DPP6: variants seen among roughly 807,000 people sequenced by gnomAD.
The protein encoded by DPP6 is dipeptidyl peptidase like 6.
DPP6 carries 69 observed loss-of-function variants against 122.6 expected under a neutral mutation model. That is an observed-to-expected ratio of 0.56 (90% confidence interval 0.46 to 0.69). The LOEUF is 0.69. Ranked by LOEUF, DPP6 falls within the 30% of genes least tolerant of loss-of-function variation. The pLI, the probability that DPP6 is intolerant of heterozygous loss-of-function variation, is 0.00. For missense variants in DPP6, 928 were observed against 1,116.9 expected, an observed-to-expected ratio of 0.83 and a Z score of 2.41; for synonymous variants, 418 against 433.1, an observed-to-expected ratio of 0.97 and a Z score of 0.43.
chr7:153,926,376 A>G (rs1800901228), intron 1 of DPP6, among the ~76,000 whole-genome samples: 1 of 152,242 alleles, frequency 6.6e-6, no homozygotes, highest in South Asian at 2.1e-4. Context: ...AACTCCTAAG[A>G]GAATTGCTGT....
intron 1 of DPP6, among the ~76,000 whole-genome samples, chr7:154,255,233 CTG>C (rs1802584671): frequency 6.6e-6 from 1 of 152,068 alleles, no homozygotes; most frequent in Non-Finnish European, 1.5e-5. Context: ...CTGCCTGCCT[CTG>C]TGTCAAGAAA....
chr7:154,086,931 G>A (rs992258434), intron 1 of DPP6, among the ~76,000 whole-genome samples: 1 of 152,190 alleles, frequency 6.6e-6, no homozygotes, highest in Non-Finnish European at 1.5e-5. Flanking sequence ...CCAGGGATCT[G>A]TTAAATATCT....
intron 7 of DPP6, among the ~76,000 whole-genome samples, chr7:154,721,843 A>C (rs1442507699): frequency 6.6e-6 from 1 of 151,930 alleles, no homozygotes; most frequent in Admixed American, 6.6e-5. Context: ...GAGTTGGTTG[A>C]CTCACTTGCT....
the DPP6 span, among the ~76,000 whole-genome samples, chr7:153,762,633 A>T: frequency 3.3e-5 from 5 of 151,602 alleles, no homozygotes; most frequent in African/African-American, 1.2e-4. Flanking sequence ...AAAAAAAATT[A>T]TCTGGGCATG....
chr7:153,928,666 C>T (rs1801035471), intron 1 of DPP6, among the ~76,000 whole-genome samples: 1 of 152,166 alleles, frequency 6.6e-6, no homozygotes, highest in Non-Finnish European at 1.5e-5. Flanking sequence ...TCCACCTCCA[C>T]AGCCTGATCA....
At chr7:154,785,279 A>G (rs946354432) in intron 10 of DPP6, among the ~76,000 whole-genome samples, 10 of 152,174 alleles carry the variant, frequency 6.6e-5, no homozygotes, top group Admixed American at 6.5e-4. Flanking sequence ...TCACCCCCAG[A>G]TGGAGATGAC....
At chr7:154,130,444 A>T (rs1256908518) in intron 1 of DPP6, among the ~76,000 whole-genome samples, 1 of 152,180 alleles carries the variant, frequency 6.6e-6, no homozygotes, top group Non-Finnish European at 1.5e-5. Flanking sequence ...TGATTTCATA[A>T]GGTAATGCTA....
At chr7:153,953,966 C>T (rs968633512) in intron 1 of DPP6, among the ~76,000 whole-genome samples, 8 of 152,182 alleles carry the variant, frequency 5.3e-5, no homozygotes, top group South Asian at 2.1e-4. Context: ...CTCCTTCCTT[C>T]CCAGAAGTCC....
At chr7:153,838,719 A>G in the DPP6 span, among the ~76,000 whole-genome samples, 1 of 152,200 alleles carries the variant, frequency 6.6e-6, no homozygotes, top group Admixed American at 6.5e-5. Flanking sequence ...CGTTTTCTGA[A>G]ACTGTAACAA....
chr7:154,006,486 T>G (rs1226760697), intron 1 of DPP6, among the ~76,000 whole-genome samples: 1 of 152,180 alleles, frequency 6.6e-6, no homozygotes, highest in Non-Finnish European at 1.5e-5. Flanking sequence ...TCAGCTGCCT[T>G]TGAAATCACA....
At chr7:154,334,971 A>C (rs2151046489) in intron 1 of DPP6, among the ~76,000 whole-genome samples, 1 of 152,310 alleles carries the variant, frequency 6.6e-6, no homozygotes, top group African/African-American at 2.4e-5. Context: ...TTCTGCCTCA[A>C]AGCATTGTGC....
rs1354066443 is a variant in DPP6 at position 154,061,740 on chromosome 7, C to A, written c.243+8677C>A. Among the ~76,000 whole-genome samples, 89 of 103,538 alleles carry A rather than the reference C, an allele frequency of 8.6e-4. 7 individuals are homozygous for A. The Middle Eastern group carries it at 0.016, about 19-fold the overall frequency. 67.9% of individuals were successfully genotyped at this position (103,538 alleles called of 152,430 possible). A position where few individuals can be genotyped will look rare whatever the true frequency, so the allele number is the denominator to read the frequency against. ...CGCGAGGCGGGGACTGCGAACCTCC[C>A]CCTTTCCTCCCCTGGCTCTTTGCAC... On this transcript the variant is annotated intron_variant, in intron 1 of 25. Transcript: ENST00000377770.
At chr7:153,759,903 C>G in the DPP6 span, among the ~76,000 whole-genome samples, 11 of 131,762 alleles carry the variant, frequency 8.3e-5, no homozygotes, top group African/African-American at 3.6e-4. Context: ...ACTTCTCTCT[C>G]TCTCTGTTTC....
chr7:153,755,645 A>G, the DPP6 span, among the ~76,000 whole-genome samples: 28 of 151,696 alleles, frequency 1.8e-4, no homozygotes, highest in Admixed American at 1.5e-3. Context: ...ATTTCATCCT[A>G]TTTCCGAACT....
chr7:153,822,356 A>AT, the DPP6 span, among the ~76,000 whole-genome samples: 108 of 149,596 alleles, frequency 7.2e-4, no homozygotes, highest in African/African-American at 2.5e-3. Context: ...CGCCCAGCTA[A>AT]TTTTTTGTAT....
chr7:154,808,330 C>A (rs1798827639), intron 16 of DPP6, among the ~76,000 whole-genome samples: 1 of 152,166 alleles, frequency 6.6e-6, no homozygotes, highest in Non-Finnish European at 1.5e-5. Flanking sequence ...GCCTCTTGCT[C>A]AACACAAGCT....
chr7:154,872,828 G>A (rs1804511631), intron 19 of DPP6, 135 bp downstream of exon 19: 10 of 1,482,820 alleles, frequency 6.7e-6, no homozygotes, highest in Admixed American at 4.0e-5. Context: ...ACATAACATC[G>A]TTTAGCCCAA....
At chr7:154,443,997 A>G (rs534566142) in intron 1 of DPP6, among the ~76,000 whole-genome samples, 6 of 152,304 alleles carry the variant, frequency 3.9e-5, no homozygotes, top group African/African-American at 1.2e-4. Context: ...CGAATTTTCA[A>G]CAGTTCAACT....
At chr7:154,017,874 G>T (rs1585182764) in intron 1 of DPP6, among the ~76,000 whole-genome samples, 1 of 151,826 alleles carries the variant, frequency 6.6e-6, no homozygotes, top group Non-Finnish European at 1.5e-5. Context: ...CATAAGTGAG[G>T]AGATAAGATG....
Sources: allele counts gnomAD v4.1 joint callset (sites outside exome capture counted in the v4.1 genomes callset), GRCh38; gene constraint gnomAD v4.1.1; transcripts MANE v1.5; gene names NCBI Gene and HGNC (gene_info 2026-07-23, HGNC 2026-07-21).